Variants in FUCA1 observed in about 807,000 individuals in gnomAD.
FUCA1 encodes tissue alpha-L-fucosidase.
In FUCA1, 52 loss-of-function variants were observed where a neutral mutation model predicts 56.8. The observed-to-expected ratio is 0.92, with a 90% CI of 0.73 to 1.15. The LOEUF is 1.15. Among genes scored for constraint, FUCA1 ranks in the 50% most tolerant of loss-of-function variants. The pLI is 0.00. For synonymous variants in FUCA1, 230 were observed against 226.6 expected (o/e 1.02, Z -0.14); for missense variants, 568 against 592.6 (o/e 0.96, Z 0.43).
intron 3 of FUCA1, among the ~76,000 whole-genome samples, chr1:23,862,598 G>A (rs1639531730): frequency 6.6e-6 from 1 of 152,134 alleles, no homozygotes; most frequent in Admixed American, 6.6e-5. Context: ...AAGAACTAGT[G>A]ACAAATCCCT....
intron 5 of FUCA1, among the ~76,000 whole-genome samples, chr1:23,850,635 C>T (rs1184804562): frequency 6.6e-6 from 1 of 152,022 alleles, no homozygotes; most frequent in East Asian, 1.9e-4. Context: ...AGGCATGTGC[C>T]ACCACGCCCA....
intron 5 of FUCA1, among the ~76,000 whole-genome samples, chr1:23,852,161 A>C (rs961317412): frequency 2.6e-5 from 4 of 151,878 alleles, no homozygotes; most frequent in Non-Finnish European, 5.9e-5. Flanking sequence ...GCCATGGCTC[A>C]TGCCTGTAAT....
chr1:23,848,860 G>C (rs751861484), intron 5 of FUCA1, 21 bp from the exon 6 acceptor site: 35 of 1,607,708 alleles, frequency 2.2e-5, no homozygotes, highest in Non-Finnish European at 2.8e-5. Context: ...CAGAAACAAT[G>C]AAAGTCTAGC....
At chr1:23,854,780 G>C (rs1471393651) in intron 4 of FUCA1, among the ~76,000 whole-genome samples, 2 of 152,098 alleles carry the variant, frequency 1.3e-5, no homozygotes, top group Non-Finnish European at 2.9e-5. Context: ...TAGAGACCAG[G>C]GATGTTACTA....
At chr1:23,852,257 CA>C (rs1308181544) in intron 5 of FUCA1, among the ~76,000 whole-genome samples, 1 of 151,670 alleles carries the variant, frequency 6.6e-6, no homozygotes, top group Non-Finnish European at 1.5e-5. Flanking sequence ...CCTGTCTCTA[CA>C]AAAAATTTAA....
intron 4 of FUCA1, among the ~76,000 whole-genome samples, chr1:23,859,229 A>G (rs976344481): frequency 2.0e-5 from 3 of 152,056 alleles, no homozygotes; most frequent in South Asian, 2.1e-4. Flanking sequence ...TTAGTCTACT[A>G]TGTAAATTTA....
rs1429674319 is a variant in FUCA1 at position 23,868,248 on chromosome 1, G to A, written c.39C>T (p.Pro13=). 44 of 1,558,594 alleles carry A rather than the reference G, an allele frequency of 2.8e-5. No homozygotes were observed. The highest frequency in any genetic ancestry group is 5.7e-5 in the Admixed American group (3 of 52,280). The stretch of plus-strand genomic sequence containing the variant: ...GGAAGAGCAGCAGCAGCAACAGCGC[G>A]GGACCCGCCGGCCGCGACCTCATCC... The part of the protein sequence containing the change: ...APGMRSRPAG[P]ALLLLLLFLG... The change falls in exon 1 of 8, where the codon CCC becomes CCT. Residue 13 remains proline, a synonymous_variant. Coordinates refer to ENST00000374479, the MANE Select transcript of FUCA1 (RefSeq NM_000147.5).
At chr1:23,855,495 G>A (rs545254943) in intron 4 of FUCA1, among the ~76,000 whole-genome samples, 5 of 152,322 alleles carry the variant, frequency 3.3e-5, no homozygotes, top group Admixed American at 2.0e-4. Context: ...GCGAGACTCC[G>A]TCTCAAAAAC....
intron 4 of FUCA1, 64 bp from the exon 5 acceptor site, chr1:23,854,624 C>T (rs1639353994): frequency 3.1e-6 from 4 of 1,306,018 alleles, no homozygotes; most frequent in Admixed American, 1.7e-5. Flanking sequence ...ATGTAATACA[C>T]TTTGGTAAGG....
intron 6 of FUCA1, among the ~76,000 whole-genome samples, chr1:23,847,466 C>T (rs1639166872): frequency 6.6e-6 from 1 of 151,942 alleles, no homozygotes; most frequent in Admixed American, 6.6e-5. Context: ...AAACTTAATC[C>T]CCAAATTCAT....
At position 23,862,978 on chromosome 1, in the gene FUCA1, G is replaced by A. The variant is rs138123333; in HGVS notation, c.662+156C>T. On this transcript the variant is annotated intron_variant, in intron 3 of 7. Transcript: ENST00000374479. ...AGAAGTTCTGAAAGGCAGGAGGAAA[G>A]AACATATTTTGTCTTAATACAACCA... Among the ~76,000 whole-genome samples the A allele has an allele frequency of 7.0e-3, 1,069 of 152,302 alleles. 22 individuals are homozygous for A. Among genetic ancestry groups the A allele is most frequent in the African/African-American group, 0.024 (1,005 of 41,570 alleles).
In FUCA1 at chr1:23,845,537, G is replaced by A; in HGVS notation, c.*178C>T. 1 of 700,368 alleles carries A rather than the reference G, an allele frequency of 1.4e-6. No individual in the cohort carries two copies. Among genetic ancestry groups the A allele is most frequent in the Non-Finnish European group, 2.5e-6 (1 of 403,778 alleles). 43.4% of individuals were successfully genotyped at this position (700,368 alleles called of 1,614,324 possible). ...ACAGATATAATCACAATGGATCTCA[G>A]ATCTTTGGTCCATTTAGACATCAGG... is the stretch of plus-strand genomic sequence containing the variant. On this transcript the variant is annotated 3_prime_UTR_variant, in exon 8 of 8. Transcript: ENST00000374479.
chr1:23,863,347 G>T, intron 2 of FUCA1, 76 bp from the exon 3 acceptor site: 1 of 1,488,850 alleles, frequency 6.7e-7, no homozygotes, highest in Non-Finnish European at 9.1e-7. Flanking sequence ...ATCAGTTCTA[G>T]CATTTTTTCA....
intron 5 of FUCA1, among the ~76,000 whole-genome samples, chr1:23,852,717 A>G (rs1315450288): frequency 1.3e-5 from 2 of 152,196 alleles, no homozygotes; most frequent in East Asian, 3.9e-4. Context: ...ACTGCGAGTG[A>G]TCCGCCAGCC....
intron 4 of FUCA1, among the ~76,000 whole-genome samples, chr1:23,857,948 G>A (rs1157891618): frequency 6.6e-6 from 1 of 151,906 alleles, no homozygotes; most frequent in Admixed American, 6.6e-5. Flanking sequence ...GATTACAGGC[G>A]TGAGCCACCA....
intron 1 of FUCA1, 133 bp from the exon 2 acceptor site, chr1:23,865,758 T>G: frequency 1.0e-6 from 1 of 1,001,210 alleles, no homozygotes; most frequent in Non-Finnish European, 1.6e-6. Flanking sequence ...AGTGACTATA[T>G]TAGTGATATC....
In FUCA1 at chr1:23,867,780, G is replaced by A; in HGVS notation, c.389+118C>T. 10 of 1,428,128 alleles carry A rather than the reference G, an allele frequency of 7.0e-6. No homozygotes were observed. Among genetic ancestry groups the A allele is most frequent in the Non-Finnish European group, 8.2e-6 (9 of 1,100,340 alleles). 88.5% of individuals were successfully genotyped at this position (1,428,128 alleles called of 1,614,324 possible). ...CTCCTGTGGCCGCAGGAGGCCACAC[G>A]CGGGCCCCGGGGTCATGGGGGCGAC... On this transcript the variant is annotated intron_variant, in intron 1 of 7. Coordinates refer to ENST00000374479, the MANE Select transcript of FUCA1 (RefSeq NM_000147.5). The surrounding 1 kb of genome is among the most constrained non-coding windows in gnomAD (Gnocchi z 4.9).
In FUCA1 at chr1:23,857,164, C is replaced by G. The variant is rs1286100529; in HGVS notation, c.769-2604G>C. The stretch of plus-strand genomic sequence containing the variant: ...AAGCACAAACACTAGACTGTAACCT[C>G]ACGTAGCAAGCGACCTAGCTCGAGG... On this transcript the variant is annotated intron_variant, in intron 4 of 7. Transcript: ENST00000374479. Among the ~76,000 whole-genome samples, 6 of 152,220 alleles carry G rather than the reference C, an allele frequency of 3.9e-5. No individual in the cohort carries two copies. In the East Asian group the frequency reaches 1.2e-3, roughly 29 times the overall value.
rs781101150 is a variant in FUCA1 at position 23,845,806 on chromosome 1, T to C, written c.1310A>G (p.Asp437Gly). 9 of 1,614,182 alleles carry C rather than the reference T, an allele frequency of 5.6e-6. No homozygotes were observed. The highest frequency in any genetic ancestry group is 7.6e-6 in the Non-Finnish European group (9 of 1,179,990). The change falls in exon 8 of 8, where the codon GAT becomes GGT. Residue 437 changes from aspartate to glycine, a missense_variant. Transcript: ENST00000374479. ...GGGTAGAGAGATGAAGAGACCTTTA[T>C]CTGGATCTGTGGACCACTTCAGATC... ...QGDLKWSTDPDKGLFISLPQL... is the reference protein window; with the variant it reads ...QGDLKWSTDPGKGLFISLPQL...
Sources: gnomAD v4.1 joint callset for allele counts (sites outside exome capture counted in the v4.1 genomes callset) on GRCh38, gnomAD v4.1.1 for gene constraint, Gnocchi (gnomAD v3.1) non-coding constraint, MANE v1.5 for transcripts, NCBI Gene and HGNC (gene_info 2026-07-23, HGNC 2026-07-21) for gene names.